Variants in SMCHD1 observed in about 807,000 individuals in gnomAD.
SMCHD1 encodes the protein structural maintenance of chromosomes flexible hinge domain-containing protein 1.
A neutral mutation model predicts 254.7 loss-of-function variants in SMCHD1; 78 were observed. The observed-to-expected ratio is 0.31, with a 90% CI of 0.26 to 0.37. SMCHD1 has a LOEUF of 0.37. Among genes scored for constraint, SMCHD1 ranks in the 10% least tolerant of loss-of-function variants. The pLI is 1.00. For synonymous variants in SMCHD1, 766 were observed against 794.9 expected (o/e 0.96, Z 0.61); for missense variants, 1,840 against 2,408.1 (o/e 0.76, Z 4.94).
At chr18:2,760,555 A>T in intron 34 of SMCHD1, 97 bp from the exon 35 acceptor site, 1 of 728,550 alleles carries the variant, frequency 1.4e-6, no homozygotes, top group Non-Finnish European at 2.4e-6. Flanking sequence ...CTTCCTACTC[A>T]TTTATTTTTG....
rs142474390 is a variant in SMCHD1 at position 2,725,487 on chromosome 18, T to G, written c.2700+492T>G. Reference sequence around the variant, plus strand: ...GGAAGGAATCCTATGCATAGTTTGTTGGTCTAAAAAAAACAGGGAAGCTAA... The same window carrying G: ...GGAAGGAATCCTATGCATAGTTTGTGGGTCTAAAAAAAACAGGGAAGCTAA... On this transcript the variant is annotated intron_variant, in intron 21 of 47. Coordinates refer to ENST00000320876, the MANE Select transcript of SMCHD1 (RefSeq NM_015295.3). Among the ~76,000 whole-genome samples, 19 of 151,994 alleles carry G rather than the reference T, an allele frequency of 1.3e-4. No homozygotes were observed. The East Asian group carries it at 1.9e-3, about 15-fold the overall frequency.
intron 12 of SMCHD1, among the ~76,000 whole-genome samples, chr18:2,701,518 A>C (rs538408082): frequency 2.0e-5 from 3 of 152,290 alleles, no homozygotes; most frequent in African/African-American, 7.2e-5. Context: ...CTTAATGAGA[A>C]CATGTATGAA....
chr18:2,705,931 G>A (rs768258611), intron 14 of SMCHD1, 124 bp downstream of exon 14: 43 of 553,142 alleles, frequency 7.8e-5, no homozygotes, highest in Non-Finnish European at 1.2e-4. Flanking sequence ...TAGTTTTTGT[G>A]TGGATTTTTA....
At chr18:2,657,857 C>T (rs1200481133) in intron 1 of SMCHD1, among the ~76,000 whole-genome samples, 2 of 151,934 alleles carry the variant, frequency 1.3e-5, no homozygotes, top group Non-Finnish European at 2.9e-5. Flanking sequence ...TAAACATTTT[C>T]CCAGGCCCAA....
intron 37 of SMCHD1, among the ~76,000 whole-genome samples, chr18:2,768,615 C>A (rs1215220242): frequency 8.3e-6 from 1 of 120,164 alleles, no homozygotes; most frequent in Admixed American, 9.1e-5. Flanking sequence ...GTATAGTGTA[C>A]TATATACTAT....
chr18:2,672,887 A>G (rs528753098), intron 3 of SMCHD1, among the ~76,000 whole-genome samples: 1 of 152,322 alleles, frequency 6.6e-6, no homozygotes, highest in South Asian at 2.1e-4. Context: ...TTATCACTTC[A>G]TATTTGCCCT....
Position 2,674,157 on chromosome 18 carries a change from TTAC to T in SMCHD1, c.638+14_638+16del, listed in dbSNP as rs1295761047. The T allele has an allele frequency of 1.3e-6, 2 of 1,551,486 alleles. No homozygotes were observed. ...GGTGACTTTGAAAGGTTAGAAAACC[TTAC>T]TTTTTTTTTTTTGTGGGTAGCTATG... is the stretch of plus-strand genomic sequence containing the variant. On this transcript the variant is annotated intron_variant, in intron 5 of 47. Coordinates refer to ENST00000320876, the MANE Select transcript of SMCHD1 (RefSeq NM_015295.3).
At chr18:2,769,594 C>A (rs1231614621) in intron 37 of SMCHD1, 100 bp from the exon 38 acceptor site, 4 of 1,300,970 alleles carry the variant, frequency 3.1e-6, no homozygotes, top group Non-Finnish European at 4.3e-6. Flanking sequence ...TTAAAATTAA[C>A]CACTTACTTG....
intron 47 of SMCHD1, among the ~76,000 whole-genome samples, chr18:2,797,139 A>G (rs1456567605): frequency 6.6e-6 from 1 of 152,226 alleles, no homozygotes; most frequent in African/African-American, 2.4e-5. Flanking sequence ...GAGGATCAGT[A>G]ACTTAATAAG....
Position 2,707,800 on chromosome 18 carries a change from C to T in SMCHD1, c.2147-7C>T, listed in dbSNP as rs113524119. The T allele has an allele frequency of 4.6e-3, 7,232 of 1,586,846 alleles. 36 individuals carry two copies. The highest frequency in any genetic ancestry group is 4.7e-3 in the Non-Finnish European group (5,527 of 1,168,792). ...TAATTAAGATACTTTTAATTTTTGA[C>T]TCATAGGTGCGTTAAGAATTGAAAT... On this transcript the variant is annotated splice_region_variant and splice_polypyrimidine_tract_variant and intron_variant, in intron 16 of 47. Transcript: ENST00000320876.
intron 30 of SMCHD1, 41 bp downstream of exon 30, chr18:2,747,688 G>T: frequency 4.9e-6 from 7 of 1,436,402 alleles, no homozygotes; most frequent in South Asian, 1.4e-5. Context: ...TAAAATTCTG[G>T]ATTTCATTTT....
intron 15 of SMCHD1, among the ~76,000 whole-genome samples, chr18:2,706,723 C>G (rs1400952597): frequency 6.6e-6 from 1 of 152,116 alleles, no homozygotes; most frequent in Non-Finnish European, 1.5e-5. Flanking sequence ...CTATGATTAA[C>G]ATGTTTTAAA....
chr18:2,656,515 G>A (rs1451807394), intron 1 of SMCHD1, among the ~76,000 whole-genome samples: 1 of 152,260 alleles, frequency 6.6e-6, no homozygotes, highest in Non-Finnish European at 1.5e-5. Context: ...TTTTACGGGA[G>A]GCCTTGCCGG....
intron 5 of SMCHD1, among the ~76,000 whole-genome samples, chr18:2,677,665 C>T (rs1195148675): frequency 6.6e-6 from 1 of 152,144 alleles, no homozygotes; most frequent in Non-Finnish European, 1.5e-5. Flanking sequence ...CTCGCTCTGT[C>T]GTTCAGGCTG....
chr18:2,698,978 G>T (rs2074342578), intron 10 of SMCHD1, among the ~76,000 whole-genome samples: 1 of 151,942 alleles, frequency 6.6e-6, no homozygotes, highest in Non-Finnish European at 1.5e-5. Context: ...GATAATTTTG[G>T]AATCAGCTTT....
chr18:2,719,203 T>C lies in SMCHD1; in HGVS notation c.2458+769T>C, dbSNP rs548956599. ...TTTGATTTTCTATTTTCTTTTTCTC[T>C]CCTTTTCTTTTCTGTTCCTTTCCTT... On this transcript the variant is annotated intron_variant, in intron 19 of 47. Coordinates refer to ENST00000320876, the MANE Select transcript of SMCHD1 (RefSeq NM_015295.3). Among the ~76,000 whole-genome samples the C allele has an allele frequency of 3.1e-4, 47 of 151,890 alleles. 2 individuals are homozygous for C. The East Asian group carries it at 8.9e-3, about 29-fold the overall frequency.
intron 37 of SMCHD1, among the ~76,000 whole-genome samples, chr18:2,764,494 TAA>T (rs1331866251): frequency 6.6e-6 from 1 of 152,204 alleles, no homozygotes; most frequent in Non-Finnish European, 1.5e-5. Context: ...AGTTCTTTTC[TAA>T]AGTTTGTTTT....
intron 12 of SMCHD1, among the ~76,000 whole-genome samples, chr18:2,702,721 T>A (rs768222471): frequency 1.3e-5 from 2 of 152,196 alleles, no homozygotes; most frequent in Admixed American, 6.5e-5. Flanking sequence ...CATATAACTT[T>A]AAAAAAATCA....
At chr18:2,671,040 A>G (rs1479259735) in intron 3 of SMCHD1, among the ~76,000 whole-genome samples, 1 of 149,198 alleles carries the variant, frequency 6.7e-6, no homozygotes, top group Non-Finnish European at 1.5e-5. Context: ...GGGTTCAAGC[A>G]ATTCCCCTGC....
Sources: allele counts gnomAD v4.1 joint callset (sites outside exome capture counted in the v4.1 genomes callset), GRCh38; gene constraint gnomAD v4.1.1; transcripts MANE v1.5; gene names NCBI Gene and HGNC (gene_info 2026-07-23, HGNC 2026-07-21).